Variants in GNA14 observed in about 807,000 individuals in gnomAD.
GNA14 encodes the protein G protein subunit alpha 14, also known as guanine nucleotide-binding protein subunit alpha-14.
A neutral mutation model predicts 42.0 loss-of-function variants in GNA14; 50 were observed. That is an observed-to-expected ratio of 1.19 (90% CI 0.95 to 1.51). The LOEUF (loss-of-function observed/expected upper bound fraction) is 1.51. GNA14 is among the 40% of genes most tolerant of loss of function. The pLI is 0.00. For synonymous variants in GNA14, 173 were observed against 163.1 expected, an observed-to-expected ratio of 1.06 and a Z score of -0.46; for missense variants, 473 against 446.2, an observed-to-expected ratio of 1.06 and a Z score of -0.54.
At chr9:77,474,026 A>C (rs1836375994) in intron 2 of GNA14, among the ~76,000 whole-genome samples, 1 of 152,212 alleles carries the variant, frequency 6.6e-6, no homozygotes, top group African/African-American at 2.4e-5. Context: ...TCATTTATCT[A>C]AACTGAAGAG....
Position 77,647,850 on chromosome 9 carries a change from G to GGCCCGGCCGCTC in GNA14, c.-69_-58dup. On this transcript the variant is annotated 5_prime_UTR_variant, in exon 1 of 7. Coordinates refer to ENST00000341700, the MANE Select transcript of GNA14 (RefSeq NM_004297.4). ...CGCGGCCCCGGGCACCCGAATCCTC[G>GGCCCGGCCGCTC]GCCCGGCCGCTCACCCGGCCAGCAT... 1 of 1,565,752 alleles carries GGCCCGGCCGCTC rather than the reference G, an allele frequency of 6.4e-7. No individual in the cohort carries two copies. The highest frequency in any genetic ancestry group is 8.6e-7 in the Non-Finnish European group (1 of 1,160,772).
intron 2 of GNA14, among the ~76,000 whole-genome samples, chr9:77,461,866 A>G (rs1163906391): frequency 6.6e-6 from 1 of 152,150 alleles, no homozygotes; most frequent in East Asian, 1.9e-4. Flanking sequence ...GTGCTTTTTA[A>G]TTCTTGGCAC....
chr9:77,496,460 C>T (rs1483882199), intron 2 of GNA14, among the ~76,000 whole-genome samples: 2 of 152,218 alleles, frequency 1.3e-5, no homozygotes, highest in African/African-American at 4.8e-5. Context: ...ATAAACTCCT[C>T]AGATGGCACA....
At chr9:77,585,992 A>T (rs1823294985) in intron 1 of GNA14, among the ~76,000 whole-genome samples, 1 of 152,118 alleles carries the variant, frequency 6.6e-6, no homozygotes, top group Non-Finnish European at 1.5e-5. Flanking sequence ...TTTATTTTCC[A>T]GGCAGTCTTA....
intron 2 of GNA14, among the ~76,000 whole-genome samples, chr9:77,486,986 C>T (rs941489769): frequency 2.0e-5 from 3 of 147,208 alleles, no homozygotes; most frequent in Non-Finnish European, 4.5e-5. Flanking sequence ...TAGACTTGCT[C>T]AATGTAGTGT....
intron 2 of GNA14, among the ~76,000 whole-genome samples, chr9:77,525,596 T>C (rs1837421032): frequency 6.6e-6 from 1 of 150,618 alleles, no homozygotes; most frequent in Non-Finnish European, 1.5e-5. Context: ...TGGAGTGCAG[T>C]GGCATGATCT....
intron 1 of GNA14, among the ~76,000 whole-genome samples, chr9:77,552,634 A>C (rs1478507261): frequency 1.3e-5 from 2 of 152,236 alleles, no homozygotes; most frequent in African/African-American, 4.8e-5. Flanking sequence ...AAATGTTACC[A>C]AAGACCCAAT....
chr9:77,543,319 T>C (rs915240539), intron 1 of GNA14, among the ~76,000 whole-genome samples: 4 of 152,164 alleles, frequency 2.6e-5, no homozygotes, highest in African/African-American at 9.7e-5. Context: ...TCTCACGTCT[T>C]AGTCCCACAA....
At chr9:77,601,809 C>T (rs147220442) in intron 1 of GNA14, among the ~76,000 whole-genome samples, 23 of 152,316 alleles carry the variant, frequency 1.5e-4, no homozygotes, top group African/African-American at 5.3e-4. Context: ...GGAAGGGTTT[C>T]ATTCATTGGA....
At chr9:77,518,438 A>G (rs1837296059) in intron 2 of GNA14, among the ~76,000 whole-genome samples, 1 of 152,052 alleles carries the variant, frequency 6.6e-6, no homozygotes, top group South Asian at 2.1e-4. Flanking sequence ...GACATTCTAG[A>G]TCAACACAAA....
chr9:77,584,741 C>T (rs908158918), intron 1 of GNA14, among the ~76,000 whole-genome samples: 1 of 152,218 alleles, frequency 6.6e-6, no homozygotes, highest in Non-Finnish European at 1.5e-5. Context: ...AGAATGGCTA[C>T]TCCATAGACA....
At chr9:77,498,111 C>T (rs192211741) in intron 2 of GNA14, among the ~76,000 whole-genome samples, 3 of 152,232 alleles carry the variant, frequency 2.0e-5, no homozygotes, top group Non-Finnish European at 2.9e-5. Flanking sequence ...CAGTGGCTCA[C>T]GCCTGTAATC....
chr9:77,639,449 T>C (rs1824224906), intron 1 of GNA14, among the ~76,000 whole-genome samples: 1 of 152,240 alleles, frequency 6.6e-6, no homozygotes, highest in African/African-American at 2.4e-5. Flanking sequence ...GCCTATATTT[T>C]AAACCCAGCA....
chr9:77,640,871 C>CAAAAAAAAAAAAAAAAAAAA (rs1178043976), intron 1 of GNA14, among the ~76,000 whole-genome samples: 3 of 27,366 alleles, frequency 1.1e-4, no homozygotes, highest in South Asian at 1.6e-3. Context: ...ATAAAATGCT[C>CAAAAAAAAAAAAAAAAAAAA]AAAAAAAAAA....
intron 1 of GNA14, among the ~76,000 whole-genome samples, chr9:77,535,892 GTTTT>G (rs113315168): frequency 2.3e-5 from 2 of 87,622 alleles, no homozygotes; most frequent in African/African-American, 3.4e-5. Flanking sequence ...TAGTTGTTTT[GTTTT>G]TTTTTTTTTT....
intron 2 of GNA14, among the ~76,000 whole-genome samples, chr9:77,449,132 A>T (rs1835867751): frequency 6.6e-6 from 1 of 152,224 alleles, no homozygotes; most frequent in Admixed American, 6.5e-5. Flanking sequence ...ACAACTGCCT[A>T]CAGTGTTCAG....
chr9:77,620,894 A>G (rs1357054009), intron 1 of GNA14, among the ~76,000 whole-genome samples: 4 of 151,124 alleles, frequency 2.6e-5, no homozygotes, highest in Admixed American at 1.3e-4. Context: ...TTTGGCCAAC[A>G]TGATTCTCTT....
intron 2 of GNA14, among the ~76,000 whole-genome samples, chr9:77,472,634 G>A (rs1450153869): frequency 6.6e-6 from 1 of 152,166 alleles, no homozygotes; most frequent in East Asian, 1.9e-4. Context: ...TACTGTTATT[G>A]TGTCACCCTA....
At chr9:77,613,771 G>A (rs1035066062) in intron 1 of GNA14, among the ~76,000 whole-genome samples, 15 of 152,206 alleles carry the variant, frequency 9.9e-5, no homozygotes, top group Admixed American at 2.0e-4. Flanking sequence ...ATGAACTGAT[G>A]CAGGAAAATC....
Sources: gnomAD v4.1 joint callset for allele counts (sites outside exome capture counted in the v4.1 genomes callset) on GRCh38, gnomAD v4.1.1 for gene constraint, MANE v1.5 for transcripts, NCBI Gene and HGNC (gene_info 2026-07-23, HGNC 2026-07-21) for gene names.